FRMD4A: variants seen among roughly 807,000 people sequenced by gnomAD.
The protein encoded by FRMD4A is FERM domain-containing protein 4A.
A neutral mutation model predicts 129.1 loss-of-function variants in FRMD4A; 29 were observed. That is an observed-to-expected ratio of 0.22 (90% CI 0.17 to 0.31). The LOEUF (loss-of-function observed/expected upper bound fraction) is 0.31, where lower values mean the gene tolerates loss of function less well. FRMD4A is among the 10% of genes least tolerant of loss of function. FRMD4A has a pLI of 1.00. For synonymous variants in FRMD4A, 634 were observed against 571.6 expected, an observed-to-expected ratio of 1.11 and a Z score of -1.56; for missense variants, 1,272 against 1,375.8, an observed-to-expected ratio of 0.92 and a Z score of 1.19.
At chr10:14,065,855 A>G (rs887694580) in intron 2 of FRMD4A, among the ~76,000 whole-genome samples, 1 of 152,118 alleles carries the variant, frequency 6.6e-6, no homozygotes, top group African/African-American at 2.4e-5. Flanking sequence ...AAACCAGGAA[A>G]GGGGGTCACA....
At chr10:14,131,149 C>A (rs1031313468) in intron 2 of FRMD4A, among the ~76,000 whole-genome samples, 1 of 152,184 alleles carries the variant, frequency 6.6e-6, no homozygotes. Flanking sequence ...AATGTAACCA[C>A]ACAAATCCCC....
intron 2 of FRMD4A, among the ~76,000 whole-genome samples, chr10:14,093,470 A>C (rs1468186929): frequency 1.3e-5 from 2 of 152,222 alleles, no homozygotes; most frequent in Non-Finnish European, 2.9e-5. Flanking sequence ...AAATTAATCA[A>C]AGAATAATGA....
intron 2 of FRMD4A, among the ~76,000 whole-genome samples, chr10:13,956,379 T>C (rs1378025868): frequency 1.3e-5 from 2 of 152,198 alleles, no homozygotes; most frequent in Admixed American, 6.5e-5. Flanking sequence ...CTTGAACTCC[T>C]GACCTCAAGT....
rs1220917124 is a variant in FRMD4A, at chr10:13,750,093, A to AAATG, written c.465-2275_465-2274insCATT. Among the ~76,000 whole-genome samples, 376 of 80,252 alleles carry AAATG rather than the reference A, an allele frequency of 4.7e-3. 3 individuals are homozygous for AAATG. Among genetic ancestry groups the AAATG allele is most frequent in the African/African-American group, 0.012 (280 of 23,432 alleles). The allele number at this position is 80,252 out of a possible 152,430, so 52.6% of individuals were successfully genotyped here. Reference sequence around the variant, plus strand: ...GGAAGAAAGAAAGAAAGAAAGAAAGAAAGAAAGAAAGAAATGAAGAAAGAA... The same window carrying AAATG: ...GGAAGAAAGAAAGAAAGAAAGAAAGAAATGAAGAAAGAAAGAAATGAAGAAAGAA... On this transcript the variant is annotated intron_variant, in intron 8 of 24. Coordinates refer to ENST00000357447, the MANE Select transcript of FRMD4A (RefSeq NM_018027.5).
At chr10:14,210,306 A>G (rs1306976735) in intron 2 of FRMD4A, among the ~76,000 whole-genome samples, 1 of 152,178 alleles carries the variant, frequency 6.6e-6, no homozygotes, top group Admixed American at 6.5e-5. Flanking sequence ...TGAACCAGAA[A>G]GTGAGACCCA....
intron 2 of FRMD4A, among the ~76,000 whole-genome samples, chr10:13,995,918 G>A (rs536609738): frequency 1.4e-3 from 215 of 150,978 alleles, no homozygotes; most frequent in Non-Finnish European, 2.5e-3. Context: ...CCCTCTCCTC[G>A]TCCTCCCTTT....
intron 13 of FRMD4A, among the ~76,000 whole-genome samples, chr10:13,701,983 A>G (rs1470290911): frequency 3.3e-5 from 5 of 152,228 alleles, no homozygotes; most frequent in Non-Finnish European, 7.3e-5. Flanking sequence ...TTTCCAATCT[A>G]TTCAGAGGGC....
intron 2 of FRMD4A, among the ~76,000 whole-genome samples, chr10:14,069,427 G>T (rs1258240362): frequency 6.6e-6 from 1 of 152,122 alleles, no homozygotes; most frequent in African/African-American, 2.4e-5. Flanking sequence ...TGGGGGTCAG[G>T]GAGAGGGCTC....
rs1342343929 is a variant in FRMD4A, at chr10:13,706,130, G to GAGCGTCAAC, written c.836+898_836+906dup. ...AGTCCTCCTTCTAAGCCCAGGGCTGGAGCGTCAACAGCGCCTAAAACCCAC... is the reference window on the plus strand; with the variant it reads ...AGTCCTCCTTCTAAGCCCAGGGCTGGAGCGTCAACAGCGTCAACAGCGCCTAAAACCCAC... On this transcript the variant is annotated intron_variant, in intron 13 of 24. Transcript: ENST00000357447. 5.9e-5 allele frequency among the ~76,000 whole-genome samples: 9 copies of GAGCGTCAAC among 152,318 alleles called. No homozygotes were observed. In the East Asian group the frequency reaches 1.7e-3, roughly 29 times the overall value.
At chr10:13,955,857 G>T (rs1436410433) in intron 2 of FRMD4A, among the ~76,000 whole-genome samples, 1 of 152,262 alleles carries the variant, frequency 6.6e-6, no homozygotes, top group African/African-American at 2.4e-5. Flanking sequence ...GAAAGGGAAA[G>T]ACATTATTAG....
chr10:13,884,341 G>A (rs554493410), intron 2 of FRMD4A, among the ~76,000 whole-genome samples: 3 of 151,974 alleles, frequency 2.0e-5, no homozygotes, highest in Admixed American at 6.6e-5. Flanking sequence ...AAAAATAGGA[G>A]TTGAAAATCT....
intron 3 of FRMD4A, among the ~76,000 whole-genome samples, chr10:13,830,297 G>C (rs1348270150): frequency 6.6e-6 from 1 of 152,196 alleles, no homozygotes; most frequent in Non-Finnish European, 1.5e-5. Flanking sequence ...GCACAAAAGA[G>C]ATTTTGTTGT....
chr10:14,177,228 C>T (rs904070120), intron 2 of FRMD4A, among the ~76,000 whole-genome samples: 2 of 151,950 alleles, frequency 1.3e-5, no homozygotes, highest in Non-Finnish European at 2.9e-5. Context: ...GACAAAGTAT[C>T]GCTCTGTTGC....
chr10:13,923,802 C>T (rs1274283381), intron 2 of FRMD4A, among the ~76,000 whole-genome samples: 1 of 152,126 alleles, frequency 6.6e-6, no homozygotes, highest in Non-Finnish European at 1.5e-5. Context: ...TTCACTGATG[C>T]AAAGAAGCAT....
chr10:13,655,840 G>C (rs761250174), intron 22 of FRMD4A: 2 of 152,180 alleles, frequency 1.3e-5, no homozygotes, highest in East Asian at 3.8e-4. Context: ...AGTGGTAAGA[G>C]TATGTTAATA....
At chr10:13,899,501 A>G (rs548879358) in intron 2 of FRMD4A, among the ~76,000 whole-genome samples, 4 of 152,300 alleles carry the variant, frequency 2.6e-5, no homozygotes, top group African/African-American at 7.2e-5. Flanking sequence ...GGGATGTAAA[A>G]AGGTGAAGTG....
At chr10:13,694,060 G>A in intron 14 of FRMD4A, 21 bp from the exon 15 acceptor site, 2 of 1,499,022 alleles carry the variant, frequency 1.3e-6, no homozygotes, top group East Asian at 2.4e-5. Flanking sequence ...AAGGGAAGCA[G>A]GTCAAAGAAG....
intron 2 of FRMD4A, among the ~76,000 whole-genome samples, chr10:14,290,810 A>T (rs1196758524): frequency 1.3e-5 from 2 of 152,096 alleles, no homozygotes; most frequent in Admixed American, 6.5e-5. Flanking sequence ...CATCTATAAA[A>T]TGGGAATAAT....
chr10:13,896,245 A>C (rs1335599321), intron 2 of FRMD4A, among the ~76,000 whole-genome samples: 1 of 152,246 alleles, frequency 6.6e-6, no homozygotes, highest in Non-Finnish European at 1.5e-5. Context: ...CACTATTTAC[A>C]ATAGCAAAGA....
Sources: gnomAD v4.1 joint callset for allele counts (sites outside exome capture counted in the v4.1 genomes callset) on GRCh38, gnomAD v4.1.1 for gene constraint, MANE v1.5 for transcripts, NCBI Gene and HGNC (gene_info 2026-07-23, HGNC 2026-07-21) for gene names.